DUSP5: variants seen among roughly 807,000 people sequenced by gnomAD.
The protein encoded by DUSP5 is dual specificity phosphatase 5.
In DUSP5, 22 loss-of-function variants were observed where a neutral mutation model predicts 33.6. The ratio of observed to expected loss-of-function variants is 0.66; its 90% CI spans 0.47 to 0.94. The LOEUF (loss-of-function observed/expected upper bound fraction) is 0.94. Ranked by LOEUF, DUSP5 falls within the 40% of genes least tolerant of loss-of-function variation. The pLI is 0.00. For missense variants in DUSP5, 551 were observed against 522.1 expected (o/e 1.06, Z -0.54); for synonymous variants, 270 against 231.1 (o/e 1.17, Z -1.53).
chr10:110,502,330 G>C (rs1311178234), intron 1 of DUSP5, among the ~76,000 whole-genome samples: 2 of 152,214 alleles, frequency 1.3e-5, no homozygotes, highest in Non-Finnish European at 2.9e-5. Context: ...TCAGGAGCCT[G>C]TCTTCTCGCC....
intron 2 of DUSP5, among the ~76,000 whole-genome samples, chr10:110,505,576 C>T (rs905894318): frequency 2.6e-5 from 4 of 152,218 alleles, no homozygotes; most frequent in South Asian, 2.1e-4. Flanking sequence ...CTGTCCCACG[C>T]ACCCTTCCCT....
Position 110,502,733 on chromosome 10 carries a change from C to T in DUSP5, c.392C>T (p.Thr131Ile), listed in dbSNP as rs868316891. The change falls in exon 2 of 4, where the codon ACT becomes ATT. Residue 131 changes from threonine (T) to isoleucine (I), a missense_variant. By Grantham distance (89) the Thr-to-Ile change is moderately conservative. Coordinates refer to ENST00000369583, the MANE Select transcript of DUSP5 (RefSeq NM_004419.4). ...RVYFLKGGYE[T>I]FYSEYPECCV... ...TTTGTTTTTGTAGGGGGATATGAGA[C>T]TTTCTACTCGGAATATCCTGAGTGT... 5 of 1,613,758 alleles carry T rather than the reference C, an allele frequency of 3.1e-6. No homozygotes were observed. The highest frequency in any genetic ancestry group is 4.2e-6 in the Non-Finnish European group (5 of 1,179,810).
At chr10:110,507,262 T>C (rs900438088) in intron 3 of DUSP5, 108 bp downstream of exon 3, 115 of 1,155,384 alleles carry the variant, frequency 1.0e-4, no homozygotes, top group Non-Finnish European at 1.4e-4. Flanking sequence ...AAAAGTGTCT[T>C]GTATATGCCG....
Position 110,503,986 on chromosome 10 carries a change from C to T in DUSP5, c.528+1117C>T, listed in dbSNP as rs906929405. Reference sequence around the variant, plus strand: ...AGATGACCTTTTCTTGAACGGGCTCCTTGGTCAGGAATCCTATTAGCTTGT... The same window carrying T: ...AGATGACCTTTTCTTGAACGGGCTCTTTGGTCAGGAATCCTATTAGCTTGT... On this transcript the variant is annotated intron_variant, in intron 2 of 3. Transcript: ENST00000369583. Among the ~76,000 whole-genome samples, 9 of 152,342 alleles carry T rather than the reference C, an allele frequency of 5.9e-5. No individual in the cohort carries two copies. The East Asian group carries it at 1.7e-3, about 29-fold the overall frequency.
intron 2 of DUSP5, among the ~76,000 whole-genome samples, chr10:110,504,643 C>T (rs1245554339): frequency 6.6e-6 from 1 of 152,200 alleles, no homozygotes; most frequent in Non-Finnish European, 1.5e-5. Context: ...TTTGTACCAC[C>T]TCTGCTGTTT....
intron 1 of DUSP5, among the ~76,000 whole-genome samples, chr10:110,499,786 T>TTC (rs1189805249): frequency 2.6e-5 from 4 of 152,198 alleles, no homozygotes; most frequent in Admixed American, 6.5e-5. Context: ...GCCTCCTGAT[T>TTC]TCTTTCTCTT....
At chr10:110,508,011 C>T (rs574131216) in intron 3 of DUSP5, among the ~76,000 whole-genome samples, 4 of 152,330 alleles carry the variant, frequency 2.6e-5, no homozygotes, top group South Asian at 2.1e-4. Flanking sequence ...GAAACTGACG[C>T]GTGATTTTCC....
chr10:110,510,524 A>C lies in DUSP5; in HGVS notation c.*98A>C. 15 of 1,377,842 alleles carry C rather than the reference A, an allele frequency of 1.1e-5. No individual in the cohort carries two copies. Among genetic ancestry groups the C allele is most frequent in the South Asian group, 1.5e-5 (1 of 65,890 alleles). The allele number at this position is 1,377,842 out of a possible 1,614,324, so 85.4% of individuals were successfully genotyped here. On this transcript the variant is annotated 3_prime_UTR_variant, in exon 4 of 4. Transcript: ENST00000369583. ...ATACCTGTGCAATACTGAAGACCTC[A>C]TTCTGTCATGCTGCCCCAGTGAGAT... is the stretch of plus-strand genomic sequence containing the variant.
At chr10:110,501,850 G>A (rs1860053239) in intron 1 of DUSP5, among the ~76,000 whole-genome samples, 1 of 151,990 alleles carries the variant, frequency 6.6e-6, no homozygotes, top group South Asian at 2.1e-4. Context: ...ACTTATATTT[G>A]CAAGTTTCCG....
intron 2 of DUSP5, among the ~76,000 whole-genome samples, chr10:110,506,728 G>A (rs921432580): frequency 6.6e-6 from 1 of 152,182 alleles, no homozygotes; most frequent in Admixed American, 6.5e-5. Context: ...CTGTCATTGA[G>A]TCACAAGGCA....
chr10:110,508,445 G>A (rs114766852), intron 3 of DUSP5, among the ~76,000 whole-genome samples: 1,831 of 152,164 alleles, frequency 0.012, 41 homozygotes, highest in African/African-American at 0.042. Context: ...GTCTGTGTAC[G>A]CACAATCCAC....
Position 110,510,653 on chromosome 10 carries a change from A to C in DUSP5, c.*227A>C. 5.4e-6 allele frequency: 3 copies of C among 554,392 alleles called. No homozygotes were observed. Among genetic ancestry groups the C allele is most frequent in the Non-Finnish European group, 9.2e-6 (3 of 325,916 alleles). The allele number at this position is 554,392 out of a possible 1,614,324, so 34.3% of individuals were successfully genotyped here. On this transcript the variant is annotated 3_prime_UTR_variant, in exon 4 of 4. Transcript: ENST00000369583. ...CATTACGGGAGCACAGCATGTGCTG[A>C]CTACTGTACTTCCAGACCCCTGCCC...
intron 2 of DUSP5, among the ~76,000 whole-genome samples, chr10:110,503,949 C>G (rs573782040): frequency 2.0e-5 from 3 of 152,362 alleles, no homozygotes; most frequent in African/African-American, 7.2e-5. Flanking sequence ...GGATAAACTT[C>G]AAAGTAAAGC....
chr10:110,503,536 C>T (rs1472279022), intron 2 of DUSP5: 1 of 152,104 alleles, frequency 6.6e-6, no homozygotes, highest in African/African-American at 2.4e-5. Context: ...TGTGATAACT[C>T]ATTAAAGGGA....
intron 2 of DUSP5, among the ~76,000 whole-genome samples, chr10:110,504,264 C>T (rs1336854144): frequency 3.3e-5 from 5 of 152,248 alleles, no homozygotes. Flanking sequence ...CTTCAAGATT[C>T]ATCTGGGGAA....
intron 2 of DUSP5, 125 bp downstream of exon 2, chr10:110,502,994 G>C (rs964972357): frequency 5.3e-6 from 7 of 1,316,904 alleles, no homozygotes; most frequent in African/African-American, 4.5e-5. Flanking sequence ...TGTGGATCAG[G>C]GTGTTGGCAA....
At chr10:110,502,367 C>T (rs2282239) in intron 1 of DUSP5, among the ~76,000 whole-genome samples, 98,744 of 152,062 alleles carry the variant, frequency 0.65, 32,335 homozygotes, top group South Asian at 0.74. Flanking sequence ...GGTAATCACA[C>T]CTTCCTTTTA....
chr10:110,501,464 G>T (rs1338074234), intron 1 of DUSP5, among the ~76,000 whole-genome samples: 2 of 152,156 alleles, frequency 1.3e-5, no homozygotes, highest in African/African-American at 4.8e-5. Context: ...CTCATTCTAG[G>T]AATTGGCTGC....
At chr10:110,499,250 G>A (rs1466423939) in intron 1 of DUSP5, among the ~76,000 whole-genome samples, 3 of 152,130 alleles carry the variant, frequency 2.0e-5, no homozygotes, top group Non-Finnish European at 4.4e-5. Flanking sequence ...ACACCTCCCG[G>A]AGCTACCGCC....
Sources: gnomAD v4.1 joint callset for allele counts (sites outside exome capture counted in the v4.1 genomes callset) on GRCh38, gnomAD v4.1.1 for gene constraint, MANE v1.5 for transcripts, NCBI Gene and HGNC (gene_info 2026-07-23, HGNC 2026-07-21) for gene names.